STAMBP: variants seen among roughly 807,000 people sequenced by gnomAD.
STAMBP encodes the protein STAM-binding protein.
STAMBP carries 31 observed loss-of-function variants against 50.7 expected under a neutral mutation model. The ratio of observed to expected loss-of-function variants is 0.61; its 90% confidence interval spans 0.46 to 0.83. STAMBP has a LOEUF of 0.83. Among genes scored for constraint, STAMBP ranks in the 40% least tolerant of loss-of-function variants. STAMBP has a pLI of 0.00. For missense variants in STAMBP, 472 were observed against 518.9 expected, an observed-to-expected ratio of 0.91 and a Z score of 0.88; for synonymous variants, 211 against 192.4, an observed-to-expected ratio of 1.10 and a Z score of -0.80.
At chr2:73,831,989 T>A (rs766863346) in intron 2 of STAMBP, among the ~76,000 whole-genome samples, 2 of 151,622 alleles carry the variant, frequency 1.3e-5, no homozygotes, top group Non-Finnish European at 2.9e-5. Context: ...TTTAGTAATG[T>A]TCTAGAGTCA....
chr2:73,844,731 A>C (rs1339307020), intron 2 of STAMBP, 82 bp from the exon 3 acceptor site: 6 of 1,165,670 alleles, frequency 5.1e-6, no homozygotes, highest in African/African-American at 4.6e-5. Flanking sequence ...TAAGGGCTTC[A>C]GGATAAGGGG....
At chr2:73,858,416 G>A (rs983875902) in intron 7 of STAMBP, among the ~76,000 whole-genome samples, 2 of 151,830 alleles carry the variant, frequency 1.3e-5, no homozygotes, top group East Asian at 3.9e-4. Context: ...TGGGGGTTAC[G>A]GACATAAGCC....
intron 9 of STAMBP, among the ~76,000 whole-genome samples, chr2:73,861,484 T>C (rs1015603313): frequency 6.6e-6 from 1 of 151,966 alleles, no homozygotes; most frequent in Non-Finnish European, 1.5e-5. Context: ...TAGCCTAGAA[T>C]GAACATTTTA....
At chr2:73,847,335 G>A (rs1676243641) in intron 4 of STAMBP, 52 bp from the exon 5 acceptor site, 2 of 1,536,434 alleles carry the variant, frequency 1.3e-6, no homozygotes, top group East Asian at 2.3e-5. Flanking sequence ...TTCTCCTGAA[G>A]TGTGAAGTCA....
At chr2:73,868,150 T>G (rs977873744), downstream of STAMBP, among the ~76,000 whole-genome samples, 3 of 149,062 alleles carry the variant, frequency 2.0e-5, no homozygotes, top group African/African-American at 7.4e-5. Flanking sequence ...ACCCAGAAAT[T>G]AAGTAAATGA....
downstream of STAMBP, among the ~76,000 whole-genome samples, chr2:73,869,841 C>T (rs150277206): frequency 1.3e-4 from 20 of 152,306 alleles, no homozygotes; most frequent in African/African-American, 4.6e-4. Context: ...GGAAGTAAGA[C>T]TTAGAAGAGT....
chr2:73,836,221 G>A (rs1674695901), intron 2 of STAMBP, among the ~76,000 whole-genome samples: 1 of 152,268 alleles, frequency 6.6e-6, no homozygotes, highest in Admixed American at 6.5e-5. Flanking sequence ...CCCGTGTGAA[G>A]GAGGGAGACT....
chr2:73,835,332 T>G, intron 2 of STAMBP, among the ~76,000 whole-genome samples: 1 of 140,278 alleles, frequency 7.1e-6, no homozygotes, highest in African/African-American at 2.7e-5. Context: ...CCAGCCTGGG[T>G]GATAGAGCGA....
At chr2:73,858,927 A>G (rs558963626) in intron 7 of STAMBP, among the ~76,000 whole-genome samples, 6 of 151,632 alleles carry the variant, frequency 4.0e-5, no homozygotes, top group Middle Eastern at 3.2e-3. Flanking sequence ...AGACCCCCCA[A>G]TGGATGCCTG....
chr2:73,860,279 C>T, intron 9 of STAMBP, 128 bp downstream of exon 9: 1 of 732,288 alleles, frequency 1.4e-6, no homozygotes, highest in South Asian at 1.9e-5. Flanking sequence ...GCCAGATCTC[C>T]ATAATAAGGA....
In STAMBP at chr2:73,829,416, C is replaced by T. The variant is rs189639162; in HGVS notation, c.-107C>T. 2 of 152,492 alleles carry T rather than the reference C, an allele frequency of 1.3e-5. No individual in the cohort carries two copies. Among genetic ancestry groups the T allele is most frequent in the East Asian group, 3.9e-4 (2 of 5,194 alleles). 9.4% of individuals were successfully genotyped at this position (152,492 alleles called of 1,614,324 possible). A position where few individuals can be genotyped will look rare whatever the true frequency, so the allele number is the denominator to read the frequency against. ...CCCCTCATTTGCAGATGCTGCATCC[C>T]CTTTTTGGAATTGCTCAACCAGGTG... On this transcript the variant is annotated 5_prime_UTR_variant, in exon 1 of 10. Coordinates refer to ENST00000394070, the MANE Select transcript of STAMBP (RefSeq NM_213622.4).
At chr2:73,854,830 A>T (rs1677339439) in intron 7 of STAMBP, among the ~76,000 whole-genome samples, 1 of 150,488 alleles carries the variant, frequency 6.6e-6, no homozygotes, top group South Asian at 2.1e-4. Flanking sequence ...TCTATAAATT[A>T]AAAAAAAAAT....
At chr2:73,851,659 G>T (rs1172186571) in intron 7 of STAMBP, among the ~76,000 whole-genome samples, 1 of 144,108 alleles carries the variant, frequency 6.9e-6, no homozygotes, top group Non-Finnish European at 1.5e-5. Flanking sequence ...TTTTTTTTGA[G>T]ACAGAGTTTC....
At chr2:73,870,576 T>A (rs1679162502), downstream of STAMBP, among the ~76,000 whole-genome samples, 1 of 152,188 alleles carries the variant, frequency 6.6e-6, no homozygotes, top group Admixed American at 6.5e-5. Flanking sequence ...GAATGTAGGA[T>A]GTTTCTTGTG....
intron 7 of STAMBP, among the ~76,000 whole-genome samples, chr2:73,856,628 A>G (rs1017256999): frequency 6.6e-6 from 1 of 152,228 alleles, no homozygotes; most frequent in African/African-American, 2.4e-5. Context: ...TACCTTGTCC[A>G]TGGATGCCCA....
Position 73,841,166 on chromosome 2 carries a change from C to T in STAMBP, c.204-3647C>T, listed in dbSNP as rs75008704. ...TATCTTTGTTTGCTTTGGTACCTTT[C>T]CTCTCTCCAGGCTTCAACCAGATAT... On this transcript the variant is annotated intron_variant, in intron 2 of 9. Transcript: ENST00000394070. Among the ~76,000 whole-genome samples the T allele has an allele frequency of 3.6e-3, 553 of 152,056 alleles. 2 individuals carry two copies. Among genetic ancestry groups the T allele is most frequent in the Middle Eastern group, 0.01 (3 of 292 alleles).
chr2:73,868,268 A>T (rs960464446), downstream of STAMBP, among the ~76,000 whole-genome samples: 1 of 152,174 alleles, frequency 6.6e-6, no homozygotes. Context: ...ACACTAAAAA[A>T]ATCATCAATC....
intron 2 of STAMBP, among the ~76,000 whole-genome samples, chr2:73,843,186 T>G (rs1424493772): frequency 1.5e-5 from 2 of 132,268 alleles, no homozygotes; most frequent in Non-Finnish European, 3.1e-5. Context: ...CTGTTTTATA[T>G]CTTTCTTTTT....
intron 2 of STAMBP, among the ~76,000 whole-genome samples, chr2:73,844,004 C>T (rs1042490170): frequency 2.0e-5 from 3 of 152,220 alleles, no homozygotes; most frequent in Non-Finnish European, 2.9e-5. Context: ...AGAATAGGCT[C>T]TGGAGCCAGC....
Sources: gnomAD v4.1 joint callset for allele counts (sites outside exome capture counted in the v4.1 genomes callset) on GRCh38, gnomAD v4.1.1 for gene constraint, MANE v1.5 for transcripts, NCBI Gene and HGNC (gene_info 2026-07-23, HGNC 2026-07-21) for gene names.